Variants in LHFPL2 observed in about 807,000 individuals in gnomAD.
LHFPL2 encodes LHFPL tetraspan subfamily member 2 protein.
In LHFPL2, 7 loss-of-function variants were observed where a neutral mutation model predicts 17.5. That is an observed-to-expected ratio of 0.40 (90% CI 0.23 to 0.75). The LOEUF is 0.75. LHFPL2 is among the 30% of genes least tolerant of loss of function. The probability of loss-of-function intolerance (pLI) is 0.37; values close to 1 mark genes in which losing one functional copy is unlikely to be tolerated. For missense variants in LHFPL2, 241 were observed against 294.8 expected (o/e 0.82, Z 1.34); for synonymous variants, 134 against 116.2 (o/e 1.15, Z -0.99).
At chr5:78,584,946 C>T (rs1452288963) in intron 2 of LHFPL2, among the ~76,000 whole-genome samples, 28 of 143,774 alleles carry the variant, frequency 1.9e-4, no homozygotes, top group Admixed American at 8.5e-4. Context: ...ACTCCGTGGG[C>T]GTAGGAACCT....
chr5:78,543,900 C>T lies in LHFPL2; in HGVS notation c.-186+20913G>A, dbSNP rs556406759. ...ACGGGAGGTGGAGGGGAGAGTCTGA[C>T]TTTGCCTTTGATTGTCTCTTGCAAT... On this transcript the variant is annotated intron_variant, in intron 3 of 4. Transcript: ENST00000380345. 5.9e-5 allele frequency among the ~76,000 whole-genome samples: 9 copies of T among 152,324 alleles called. 2 individuals are homozygous for T. Among genetic ancestry groups the T allele is most frequent in the African/African-American group, 1.9e-4 (8 of 41,562 alleles).
intron 1 of LHFPL2, among the ~76,000 whole-genome samples, chr5:78,638,209 G>A (rs1444899398): frequency 6.6e-6 from 1 of 152,100 alleles, no homozygotes; most frequent in Non-Finnish European, 1.5e-5. Flanking sequence ...AAAAAAATTA[G>A]CCAGGCATGG....
chr5:78,494,396 T>C (rs977233981), intron 4 of LHFPL2: 20 of 985,196 alleles, frequency 2.0e-5, no homozygotes, highest in Non-Finnish European at 2.3e-5. Context: ...AATGGTGCCC[T>C]AGAAGGTAAC....
chr5:78,628,273 C>T (rs1482030823), intron 2 of LHFPL2, among the ~76,000 whole-genome samples: 1 of 152,170 alleles, frequency 6.6e-6, no homozygotes, highest in Non-Finnish European at 1.5e-5. Flanking sequence ...TAAAATGACC[C>T]CCTGCTCCTC....
intron 4 of LHFPL2, among the ~76,000 whole-genome samples, chr5:78,508,371 A>G (rs1580756066): frequency 6.6e-6 from 1 of 152,258 alleles, no homozygotes; most frequent in African/African-American, 2.4e-5. Flanking sequence ...GAGGGACCTG[A>G]GACTTGTCCC....
chr5:78,528,790 G>A (rs973788523), intron 3 of LHFPL2, among the ~76,000 whole-genome samples: 23 of 152,212 alleles, frequency 1.5e-4, no homozygotes, highest in African/African-American at 5.5e-4. Context: ...GGCCATTTAA[G>A]TGTATCAATA....
intron 2 of LHFPL2, among the ~76,000 whole-genome samples, chr5:78,570,593 T>C (rs374224572): frequency 1.3e-5 from 2 of 150,308 alleles, no homozygotes; most frequent in South Asian, 2.1e-4. Flanking sequence ...TACTCAACTG[T>C]CTTGCTTTTA....
intron 2 of LHFPL2, among the ~76,000 whole-genome samples, chr5:78,594,811 C>T (rs577514372): frequency 1.3e-5 from 2 of 152,322 alleles, no homozygotes; most frequent in Middle Eastern, 3.4e-3. Flanking sequence ...TCTAGAAAGC[C>T]AAACAGTCCC....
At chr5:78,546,857 T>C (rs1214202751) in intron 3 of LHFPL2, among the ~76,000 whole-genome samples, 1 of 152,230 alleles carries the variant, frequency 6.6e-6, no homozygotes, top group East Asian at 1.9e-4. Flanking sequence ...ATTAGTTGCC[T>C]GGCTAAAGAG....
At chr5:78,617,451 T>C (rs539368148) in intron 2 of LHFPL2, among the ~76,000 whole-genome samples, 18 of 152,314 alleles carry the variant, frequency 1.2e-4, no homozygotes, top group African/African-American at 4.1e-4. Flanking sequence ...GCCTAATGGA[T>C]AGTTTGTTCT....
At chr5:78,517,187 T>C (rs1413759048) in intron 3 of LHFPL2, among the ~76,000 whole-genome samples, 1 of 152,236 alleles carries the variant, frequency 6.6e-6, no homozygotes, top group Admixed American at 6.5e-5. Flanking sequence ...CTTGAAACTG[T>C]TGACATTCTC....
At chr5:78,614,225 A>C (rs1046544148) in intron 2 of LHFPL2, among the ~76,000 whole-genome samples, 1 of 152,252 alleles carries the variant, frequency 6.6e-6, no homozygotes, top group Non-Finnish European at 1.5e-5. Flanking sequence ...GTCCAGGGGC[A>C]GCCTGGCCTG....
intron 1 of LHFPL2, among the ~76,000 whole-genome samples, chr5:78,636,667 GAA>G (rs1324732255): frequency 3.3e-5 from 5 of 152,168 alleles, no homozygotes; most frequent in Admixed American, 6.5e-5. Context: ...ACCAAAGTAG[GAA>G]AGAGTGGGAA....
chr5:78,581,229 A>T (rs552305310), intron 2 of LHFPL2, among the ~76,000 whole-genome samples: 1 of 152,322 alleles, frequency 6.6e-6, no homozygotes, highest in Admixed American at 6.5e-5. Context: ...CAATCATGTC[A>T]TCTGCAAACA....
intron 3 of LHFPL2, among the ~76,000 whole-genome samples, chr5:78,539,340 AT>A: frequency 6.6e-6 from 1 of 152,250 alleles, no homozygotes. Flanking sequence ...AGACTGAGGT[AT>A]TTTTTTATAG....
intron 3 of LHFPL2, among the ~76,000 whole-genome samples, chr5:78,527,875 G>A (rs1755666091): frequency 6.6e-6 from 1 of 152,118 alleles, no homozygotes; most frequent in Non-Finnish European, 1.5e-5. Flanking sequence ...CATGAAGTCA[G>A]CAACACCTCT....
intron 2 of LHFPL2, among the ~76,000 whole-genome samples, chr5:78,587,914 C>T (rs551018018): frequency 1.3e-5 from 2 of 152,202 alleles, no homozygotes; most frequent in Non-Finnish European, 1.5e-5. Context: ...CTGGAGGAAG[C>T]AATCTGAGCT....
intron 4 of LHFPL2, among the ~76,000 whole-genome samples, chr5:78,500,508 C>CTGGT (rs1443035744): frequency 1.3e-5 from 2 of 152,122 alleles, no homozygotes. Context: ...GAGGCAAGAT[C>CTGGT]TCTTCCTTCC....
chr5:78,512,241 C>A (rs187249770), intron 3 of LHFPL2, among the ~76,000 whole-genome samples: 1 of 152,154 alleles, frequency 6.6e-6, no homozygotes, highest in South Asian at 2.1e-4. Context: ...TAGAGATGGA[C>A]GAAGTCATTC....
Sources: gnomAD v4.1 joint callset for allele counts (sites outside exome capture counted in the v4.1 genomes callset) on GRCh38, gnomAD v4.1.1 for gene constraint, MANE v1.5 for transcripts, NCBI Gene and HGNC (gene_info 2026-07-23, HGNC 2026-07-21) for gene names.